FBXO31: variants seen among roughly 807,000 people sequenced by gnomAD.
FBXO31 encodes F-box protein 31.
FBXO31 carries 24 observed loss-of-function variants against 54.4 expected under a neutral mutation model. The ratio of observed to expected loss-of-function variants is 0.44; its 90% CI spans 0.32 to 0.62. The LOEUF (loss-of-function observed/expected upper bound fraction) is 0.62, where lower values mean the gene tolerates loss of function less well. Ranked by LOEUF, FBXO31 falls within the 20% of genes least tolerant of loss-of-function variation. FBXO31 has a pLI of 0.05. For missense variants in FBXO31, 665 were observed against 787.1 expected, an observed-to-expected ratio of 0.84 and a Z score of 1.86; for synonymous variants, 388 against 335.6, an observed-to-expected ratio of 1.16 and a Z score of -1.71.
At chr16:87,375,526 C>A (rs1310364938) in intron 1 of FBXO31, among the ~76,000 whole-genome samples, 1 of 151,968 alleles carries the variant, frequency 6.6e-6, no homozygotes, top group East Asian at 1.9e-4. Flanking sequence ...ATGAACAGTG[C>A]CAAAATGGGC....
intron 5 of FBXO31, among the ~76,000 whole-genome samples, chr16:87,340,505 A>C (rs544014287): frequency 8.5e-5 from 13 of 152,258 alleles, no homozygotes; most frequent in African/African-American, 3.1e-4. Flanking sequence ...TAAGCCTTAC[A>C]TTTCACATCA....
chr16:87,331,130 T>C lies in FBXO31; in HGVS notation c.*158A>G. On this transcript the variant is annotated 3_prime_UTR_variant, in exon 9 of 9. Coordinates refer to ENST00000311635, the MANE Select transcript of FBXO31 (RefSeq NM_024735.5). The stretch of plus-strand genomic sequence containing the variant: ...AAATATGCAGGTCTATGTCACACTC[T>C]CTACATAAAGTGCTGGGGGGTGGCT... 1.6e-6 allele frequency: 1 copy of C among 643,442 alleles called. No homozygotes were observed. The highest frequency in any genetic ancestry group is 1.9e-5 in the South Asian group (1 of 52,142). 39.9% of individuals were successfully genotyped at this position (643,442 alleles called of 1,614,324 possible). A position where few individuals can be genotyped will look rare whatever the true frequency, so the allele number is the denominator to read the frequency against.
intron 2 of FBXO31, among the ~76,000 whole-genome samples, chr16:87,347,559 A>C (rs1384419294): frequency 1.3e-5 from 2 of 151,932 alleles, no homozygotes; most frequent in Non-Finnish European, 2.9e-5. Context: ...GGGTGCCTGT[A>C]GTCCCAGCTA....
At position 87,334,502 on chromosome 16, in the gene FBXO31, C is replaced by A. The variant is rs141950492; in HGVS notation, c.997-216G>T. ...GTGCCCCTGAGGACGGTGGCTCATA[C>A]CTGCTCAACTGCGCCCAGAGAAGTT... On this transcript the variant is annotated intron_variant, in intron 7 of 8. Transcript: ENST00000311635. Among the ~76,000 whole-genome samples, 94 of 152,364 alleles carry A rather than the reference C, an allele frequency of 6.2e-4. No individual in the cohort carries two copies. The East Asian group carries it at 0.017, about 27-fold the overall frequency.
intron 1 of FBXO31, among the ~76,000 whole-genome samples, chr16:87,380,961 C>T (rs1264854514): frequency 6.6e-6 from 1 of 152,206 alleles, no homozygotes; most frequent in Admixed American, 6.5e-5. Flanking sequence ...CTCTGCTGAG[C>T]CATATATACC....
chr16:87,345,692 T>G lies in FBXO31; in HGVS notation c.489+1482A>C, dbSNP rs953010131. Among the ~76,000 whole-genome samples, 2 of 152,116 alleles carry G rather than the reference T, an allele frequency of 1.3e-5. No homozygotes were observed. The highest frequency in any genetic ancestry group is 4.8e-5 in the African/African-American group (2 of 41,414). On this transcript the variant is annotated intron_variant, in intron 3 of 8. Transcript: ENST00000311635. The surrounding 1 kb of genome is among the most constrained non-coding windows in gnomAD (Gnocchi z 4.9). ...GAAAACAAGAAAAAGAAAAAAAGACTGAACACATCAGAGAGCAATGAAGGT... is the reference window on the plus strand; with the variant it reads ...GAAAACAAGAAAAAGAAAAAAAGACGGAACACATCAGAGAGCAATGAAGGT...
rs1905344496 is a variant in FBXO31, at chr16:87,345,423, C to A, written c.490-1658G>T. Among the ~76,000 whole-genome samples, 1 of 152,126 alleles carries A rather than the reference C, an allele frequency of 6.6e-6. No individual in the cohort carries two copies. Among genetic ancestry groups the A allele is most frequent in the Non-Finnish European group, 1.5e-5 (1 of 68,014 alleles). Reference sequence around the variant, plus strand: ...TGCAGACACTGGCACCACGCAGAGCCCGCAGAGCACCACCTCCTCACCCCA... The same window carrying A: ...TGCAGACACTGGCACCACGCAGAGCACGCAGAGCACCACCTCCTCACCCCA... On this transcript the variant is annotated intron_variant, in intron 3 of 8. Coordinates refer to ENST00000311635, the MANE Select transcript of FBXO31 (RefSeq NM_024735.5). This position sits in a 1 kb window ranked among gnomAD's most constrained non-coding sequence, Gnocchi z 4.9.
chr16:87,343,004 C>A, intron 4 of FBXO31, 53 bp from the exon 5 acceptor site: 1 of 1,486,788 alleles, frequency 6.7e-7, no homozygotes, highest in East Asian at 2.4e-5. Flanking sequence ...GAGTCCATCA[C>A]AGCATCCCCC....
intron 4 of FBXO31, 48 bp downstream of exon 4, chr16:87,343,550 C>T: frequency 6.4e-7 from 1 of 1,553,094 alleles, no homozygotes; most frequent in Non-Finnish European, 8.7e-7. Context: ...GGAGCCCACA[C>T]AGGACAGCCC....
chr16:87,391,034 A>G (rs1281076525), upstream of FBXO31, among the ~76,000 whole-genome samples: 2 of 152,354 alleles, frequency 1.3e-5, no homozygotes, highest in South Asian at 2.1e-4. Flanking sequence ...GGCTCTTTCA[A>G]AGTATTAGAT....
intron 2 of FBXO31, among the ~76,000 whole-genome samples, chr16:87,347,890 G>T (rs758575761): frequency 6.6e-6 from 1 of 152,146 alleles, no homozygotes; most frequent in Admixed American, 6.5e-5. Context: ...GCGCTACAAG[G>T]CATGTCATAA....
At position 87,330,070 on chromosome 16, in the gene FBXO31, G is replaced by A. The variant is rs1904793977; in HGVS notation, c.*1218C>T. On this transcript the variant is annotated 3_prime_UTR_variant, in exon 9 of 9. Transcript: ENST00000311635. ...GCGGCAGAGAGGGAAGGCTCGCTGG[G>A]GACGCCCACTCGGGCACGGAGCTGG... 6.6e-6 allele frequency: 1 copy of A among 152,444 alleles called. No homozygotes were observed. The highest frequency in any genetic ancestry group is 2.1e-4 in the South Asian group (1 of 4,834). The allele number at this position is 152,444 out of a possible 1,614,324, so 9.4% of individuals were successfully genotyped here. A position where few individuals can be genotyped will look rare whatever the true frequency, so the allele number is the denominator to read the frequency against.
chr16:87,365,578 G>A (rs1018914686), intron 1 of FBXO31, among the ~76,000 whole-genome samples: 3 of 152,214 alleles, frequency 2.0e-5, no homozygotes, highest in Admixed American at 6.5e-5. Flanking sequence ...TACCCGGGAT[G>A]GCTGGAGGAG....
chr16:87,337,846 C>T (rs2150670572), intron 5 of FBXO31, among the ~76,000 whole-genome samples: 1 of 151,818 alleles, frequency 6.6e-6, no homozygotes, highest in Admixed American at 6.6e-5. Context: ...AAAATGGAGC[C>T]TATCTTTGCA....
chr16:87,337,382 C>A (rs753398270), intron 5 of FBXO31, among the ~76,000 whole-genome samples: 5 of 152,162 alleles, frequency 3.3e-5, no homozygotes, highest in African/African-American at 2.4e-5. Flanking sequence ...TCTACAGATC[C>A]GACCTCACGC....
intron 1 of FBXO31, among the ~76,000 whole-genome samples, chr16:87,369,850 A>C (rs1259277729): frequency 6.6e-6 from 1 of 152,146 alleles, no homozygotes; most frequent in African/African-American, 2.4e-5. Context: ...CCGTCTCAAA[A>C]ATAAATAAAT....
At position 87,334,176 on chromosome 16, in the gene FBXO31, G is replaced by A. The variant is rs555424069; in HGVS notation, c.1107C>T (p.Ile369=). Residue 369 remains isoleucine, a synonymous_variant, in exon 8 of 9, where the codon ATC becomes ATT. Coordinates refer to ENST00000311635, the MANE Select transcript of FBXO31 (RefSeq NM_024735.5). ...NQRNFNELSR[I]VLEVRERVRQ... is the part of the protein sequence containing the mutation. ...GCACCCTCTCGCGCACCTCCAGGAC[G>A]ATGCGGGAGAGCTCATTGAAGTTGC... 6.2e-6 allele frequency: 10 copies of A among 1,612,754 alleles called. No homozygotes were observed. Among genetic ancestry groups the A allele is most frequent in the Middle Eastern group, 1.6e-4 (1 of 6,080 alleles).
At chr16:87,333,418 A>C (rs1904932150) in intron 8 of FBXO31, among the ~76,000 whole-genome samples, 1 of 152,190 alleles carries the variant, frequency 6.6e-6, no homozygotes, top group Non-Finnish European at 1.5e-5. Flanking sequence ...GAGATGGCCA[A>C]AGGTGACCGG....
intron 1 of FBXO31, among the ~76,000 whole-genome samples, chr16:87,371,422 T>C (rs536625672): frequency 1.3e-5 from 2 of 152,334 alleles, no homozygotes; most frequent in East Asian, 3.9e-4. Context: ...AATCACTCGG[T>C]GACACTGTTC....
Sources: gnomAD v4.1 joint callset for allele counts (sites outside exome capture counted in the v4.1 genomes callset) on GRCh38, gnomAD v4.1.1 for gene constraint, Gnocchi (gnomAD v3.1) non-coding constraint, MANE v1.5 for transcripts, NCBI Gene and HGNC (gene_info 2026-07-23, HGNC 2026-07-21) for gene names.